Variants in GPR162 observed in about 807,000 individuals in gnomAD.
GPR162 encodes the protein G protein-coupled receptor 162, also known as probable G protein-coupled receptor 162.
A neutral mutation model predicts 44.9 loss-of-function variants in GPR162; 26 were observed. The observed-to-expected ratio is 0.58, with a 90% CI of 0.42 to 0.80. The LOEUF is 0.80. Among genes scored for constraint, GPR162 ranks in the 30% least tolerant of loss-of-function variants. The pLI, the probability that GPR162 is intolerant of heterozygous loss-of-function variation, is 0.00. For missense variants in GPR162, 704 were observed against 802.3 expected, an observed-to-expected ratio of 0.88 and a Z score of 1.48; for synonymous variants, 363 against 335.2, an observed-to-expected ratio of 1.08 and a Z score of -0.91.
At position 6,823,475 on chromosome 12, in the gene GPR162, A is replaced by T. The variant is rs1943309277; in HGVS notation, c.-424A>T. 4.5e-6 allele frequency: 2 copies of T among 445,538 alleles called. No individual in the cohort carries two copies. The highest frequency in any genetic ancestry group is 7.0e-5 in the East Asian group (2 of 28,610). The allele number at this position is 445,538 out of a possible 1,614,324, so 27.6% of individuals were successfully genotyped here. Reference sequence around the variant, plus strand: ...CTCATCTTTCCCTTGCAGCCTGTCCAGGGGGCTGAGCCCCACCCCCAAATC... The same window carrying T: ...CTCATCTTTCCCTTGCAGCCTGTCCTGGGGGCTGAGCCCCACCCCCAAATC... On this transcript the variant is annotated 5_prime_UTR_variant, in exon 2 of 5. Coordinates refer to ENST00000311268, the MANE Select transcript of GPR162 (RefSeq NM_019858.2).
At position 6,824,780 on chromosome 12, in the gene GPR162, C is replaced by A; in HGVS notation, c.867+15C>A. 6.2e-7 allele frequency: 1 copy of A among 1,605,076 alleles called. No homozygotes were observed. The highest frequency in any genetic ancestry group is 8.5e-7 in the Non-Finnish European group (1 of 1,175,786). On this transcript the variant is annotated intron_variant, in intron 2 of 4. Transcript: ENST00000311268. ...TGCCCATCTTGGTGAGATCGGGGTCCTCCCCACCTGTTCTCCCCAATATCC... is the reference window on the plus strand; with the variant it reads ...TGCCCATCTTGGTGAGATCGGGGTCATCCCCACCTGTTCTCCCCAATATCC...
In GPR162 at chr12:6,826,631, T is replaced by A. The variant is rs782315085; in HGVS notation, c.1216-22T>A. The A allele has an allele frequency of 2.6e-6, 4 of 1,515,590 alleles. No individual in the cohort carries two copies. The South Asian group carries it at 4.0e-5, about 15-fold the overall frequency. The allele number at this position is 1,515,590 out of a possible 1,614,324, so 93.9% of individuals were successfully genotyped here. ...CCTCTGTCCCTGCAGCACCTTCAGG[T>A]CTTACCCGCTCCTCTTCCCAGGTCC... On this transcript the variant is annotated intron_variant, in intron 4 of 4. Transcript: ENST00000311268.
Position 6,823,621 on chromosome 12 carries a change from C to A in GPR162, c.-278C>A. 2 of 701,090 alleles carry A rather than the reference C, an allele frequency of 2.9e-6. No individual in the cohort carries two copies. Among genetic ancestry groups the A allele is most frequent in the Non-Finnish European group, 4.7e-6 (2 of 428,200 alleles). The allele number at this position is 701,090 out of a possible 1,614,324, so 43.4% of individuals were successfully genotyped here. ...CATAGTTGGGAAAGTAGCCAGCTTG[C>A]CTGCCCCATCAATTGCAGGGATGCT... On this transcript the variant is annotated 5_prime_UTR_variant, in exon 2 of 5. Transcript: ENST00000311268.
Position 6,824,743 on chromosome 12 carries a change from C to T in GPR162, c.845C>T (p.Ser282Leu). The T allele has an allele frequency of 1.9e-6, 3 of 1,613,396 alleles. No individual in the cohort carries two copies. Among genetic ancestry groups the T allele is most frequent in the Non-Finnish European group, 2.5e-6 (3 of 1,179,932 alleles). ...AGCGCCATCGTCTTTCTCTATGACT[C>T]ACTCACAGGGGTGCCCATCTTGGTG... is the stretch of plus-strand genomic sequence containing the variant. ...LVSAIVFLYD[S>L]LTGVPILVVS... Residue 282 changes from serine (S) to leucine (L), a missense_variant, in exon 2 of 5, where the codon TCA becomes TTA. Physicochemically the swap from Ser to Leu is moderately radical, Grantham distance 145 (BLOSUM62 -2). This residue lies in a region of GPR162 where 92 missense variants were observed against 156.5 expected (regional missense o/e 0.59). Coordinates refer to ENST00000311268, the MANE Select transcript of GPR162 (RefSeq NM_019858.2).
In GPR162 at chr12:6,822,283, G is replaced by A. The variant is rs1943292476; in HGVS notation, c.-432+383G>A. On this transcript the variant is annotated intron_variant, in intron 1 of 4. Transcript: ENST00000311268. This position sits in a 1 kb window ranked among gnomAD's most constrained non-coding sequence, Gnocchi z 4.2. ...GTCCAGGGCTGTAGGAGAGGACACT[G>A]GGGGCTGCTCTTGGCCAAGTCCCTC... Among the ~76,000 whole-genome samples, 1 of 152,176 alleles carries A rather than the reference G, an allele frequency of 6.6e-6. No individual in the cohort carries two copies. The highest frequency in any genetic ancestry group is 2.4e-5 in the African/African-American group (1 of 41,428).
In GPR162 at chr12:6,826,912, G is replaced by C. The variant is rs1303873680; in HGVS notation, c.1475G>C (p.Gly492Ala). The change falls in exon 5 of 5, where the codon GGG (glycine) becomes GCG (alanine). Residue 492 changes from glycine (G) to alanine (A), a missense_variant. Coordinates refer to ENST00000311268, the MANE Select transcript of GPR162 (RefSeq NM_019858.2). ...GAGAGTGGGGTTCTGGGGTCAGGTGGGGGACCCCCACGGGGTCCTGGCTTC... is the reference window on the plus strand; with the variant it reads ...GAGAGTGGGGTTCTGGGGTCAGGTGCGGGACCCCCACGGGGTCCTGGCTTC... ...FLESGVLGSG[G>A]GPPRGPGFFR... is the part of the protein sequence containing the mutation. The C allele has an allele frequency of 6.2e-7, 1 of 1,613,344 alleles. No individual in the cohort carries two copies. The highest frequency in any genetic ancestry group is 1.1e-5 in the South Asian group (1 of 91,084).
In GPR162 at chr12:6,823,692, G is replaced by A; in HGVS notation, c.-207G>A. The A allele has an allele frequency of 6.2e-6, 9 of 1,454,076 alleles. No individual in the cohort carries two copies. Among genetic ancestry groups the A allele is most frequent in the Non-Finnish European group, 8.6e-6 (9 of 1,047,958 alleles). 90.1% of individuals were successfully genotyped at this position (1,454,076 alleles called of 1,614,324 possible). On this transcript the variant is annotated 5_prime_UTR_variant, in exon 2 of 5. It removes the in-frame stop codon of an upstream open reading frame in the 5' UTR. Coordinates refer to ENST00000311268, the MANE Select transcript of GPR162 (RefSeq NM_019858.2). ...ATGAAAGCTGAGGATTGCCTCTGCT[G>A]ACCCTCAGTCTCCTCCCCTGCCCTC...
intron 2 of GPR162, chr12:6,825,156 C>T: frequency 1.9e-6 from 1 of 532,928 alleles, no homozygotes; most frequent in Non-Finnish European, 3.4e-6. Context: ...GGTCTCTGAG[C>T]ACTCTTGGCT....
In GPR162 at chr12:6,826,263, A is replaced by G; in HGVS notation, c.1125A>G (p.Thr375=). 6.2e-7 allele frequency: 1 copy of G among 1,613,960 alleles called. No individual in the cohort carries two copies. ...TTCGCTTTGATGCTAACGGAGCCAC[A>G]GGACCAGGGAGCCGGGACCCCGCCC... ...CKVRFDANGA[T]GPGSRDPAQV... The change falls in exon 4 of 5, where the codon ACA becomes ACG. Residue 375 remains threonine, a synonymous_variant. Transcript: ENST00000311268.
rs369426980 is a variant in GPR162, at chr12:6,827,043, C to T, written c.1606C>T (p.Arg536Cys). 5.8e-5 allele frequency: 93 copies of T among 1,613,290 alleles called. No individual in the cohort carries two copies. The highest frequency in any genetic ancestry group is 7.3e-5 in the Non-Finnish European group (86 of 1,180,036). Residue 536 changes from arginine (R) to cysteine (C), a missense_variant, in exon 5 of 5, where the codon CGC becomes TGC. Arg to Cys is a radical substitution (Grantham distance 180). Around this residue, in one of 6 missense-constraint regions of GPR162, gnomAD observed 404 missense variants for 314.1 expected, o/e 1.29. Transcript: ENST00000311268. The stretch of plus-strand genomic sequence containing the variant: ...GCCCCGGCCACTGGGCCTCTCACCC[C>T]GCCGACTCTCCCTTGGGTCCCCTGA... ...RRPRPLGLSP[R>C]RLSLGSPESR...
Position 6,824,298 on chromosome 12 carries a change from G to A in GPR162, c.400G>A (p.Ala134Thr). Reference protein sequence around the residue: ...NYRLSNAKKQALHAVMGIWMV... With the variant: ...NYRLSNAKKQTLHAVMGIWMV... ...CCGCCTCAGCAACGCCAAGAAGCAG[G>A]CACTGCATGCCGTCATGGGCATCTG... The change falls in exon 2 of 5, where the codon GCA (alanine) becomes ACA (threonine). Residue 134 changes from alanine to threonine, a missense_variant. Ala to Thr is a moderately conservative substitution (Grantham distance 58). Coordinates refer to ENST00000311268, the MANE Select transcript of GPR162 (RefSeq NM_019858.2). The A allele has an allele frequency of 6.2e-7, 1 of 1,614,064 alleles. No individual in the cohort carries two copies. Among genetic ancestry groups the A allele is most frequent in the Non-Finnish European group, 8.5e-7 (1 of 1,179,996 alleles).
chr12:6,827,018 G>A lies in GPR162; in HGVS notation c.1581G>A (p.Arg527=), dbSNP rs1555120363. The change falls in exon 5 of 5, where the codon CGG becomes CGA. Residue 527 remains arginine (R), a synonymous_variant. Transcript: ENST00000311268. ...CCTCACCAGGGCACTCTCCTCGTCG[G>A]CCCCGGCCACTGGGCCTCTCACCCC... ...PTASPGHSPR[R]PRPLGLSPRR... 6 of 1,613,290 alleles carry A rather than the reference G, an allele frequency of 3.7e-6. No homozygotes were observed. In the South Asian group the frequency reaches 4.4e-5, roughly 12 times the overall value.
rs782687633 is a variant in GPR162 at position 6,826,200 on chromosome 12, G to A, written c.1062G>A (p.Gly354=). 1 of 1,613,422 alleles carries A rather than the reference G, an allele frequency of 6.2e-7. No homozygotes were observed. Among genetic ancestry groups the A allele is most frequent in the Non-Finnish European group, 8.5e-7 (1 of 1,179,638 alleles). The change falls in exon 4 of 5, where the codon GGG becomes GGA. Residue 354 remains glycine, a synonymous_variant. Coordinates refer to ENST00000311268, the MANE Select transcript of GPR162 (RefSeq NM_019858.2). ...IMSEEDGDDD[G]GCDDYAEGRV... The stretch of plus-strand genomic sequence containing the variant: ...TCTGCCCATTTTCTCTCCTAGATGG[G>A]GGCTGTGACGACTATGCAGAGGGCC...
At position 6,823,840 on chromosome 12, in the gene GPR162, T is replaced by A. The variant is rs960904235; in HGVS notation, c.-59T>A. On this transcript the variant is annotated 5_prime_UTR_variant, in exon 2 of 5. Transcript: ENST00000311268. The stretch of plus-strand genomic sequence containing the variant: ...TGGGAGTGTTTGTGAGTGGGGCTCC[T>A]GGGTGAGACCTAGCCCCCACCCCCA... 29 of 1,593,884 alleles carry A rather than the reference T, an allele frequency of 1.8e-5. No homozygotes were observed. The highest frequency in any genetic ancestry group is 2.3e-5 in the Non-Finnish European group (27 of 1,168,096).
chr12:6,827,229 G>A lies in GPR162; in HGVS notation c.*25G>A, dbSNP rs782252239. ...AGCCCAAGCAGGCCTGCTGAACTCA[G>A]AGGAGAAAGCCTGAGTGAGTAACAC... On this transcript the variant is annotated 3_prime_UTR_variant, in exon 5 of 5. Coordinates refer to ENST00000311268, the MANE Select transcript of GPR162 (RefSeq NM_019858.2). 3 of 1,555,606 alleles carry A rather than the reference G, an allele frequency of 1.9e-6. No homozygotes were observed. In the Admixed American group the frequency reaches 5.8e-5, roughly 30 times the overall value.
Position 6,825,688 on chromosome 12 carries a change from T to G in GPR162, c.1057+15T>G. On this transcript the variant is annotated intron_variant, in intron 3 of 4. Transcript: ENST00000311268. ...TGGAGATGACGGTCAGAGGAGGGGC[T>G]GGGCTTTGGCTTTCCTGGACATCTG... 3 of 1,552,136 alleles carry G rather than the reference T, an allele frequency of 1.9e-6. No homozygotes were observed. The highest frequency in any genetic ancestry group is 2.6e-6 in the Non-Finnish European group (3 of 1,145,750).
intron 4 of GPR162, 42 bp downstream of exon 4, chr12:6,826,395 C>T: frequency 8.4e-6 from 13 of 1,554,096 alleles, no homozygotes; most frequent in Non-Finnish European, 1.1e-5. Context: ...TGGTGCCGCT[C>T]ATCACTTTTC....
rs1266805303 is a variant in GPR162, at chr12:6,824,201, G to T, written c.303G>T (p.Ala101=). The T allele has an allele frequency of 3.1e-6, 5 of 1,613,862 alleles. No homozygotes were observed. The highest frequency in any genetic ancestry group is 3.4e-6 in the Non-Finnish European group (4 of 1,180,026). ...TCGTGTCCACCTACTACACCCTGGC[G>T]CTGGCCACCTGCTTCACGGTCGCCT... ...KVFVSTYYTL[A]LATCFTVASL... is the part of the protein sequence containing the mutation. Residue 101 remains alanine, a synonymous_variant, in exon 2 of 5, where the codon GCG becomes GCT. Coordinates refer to ENST00000311268, the MANE Select transcript of GPR162 (RefSeq NM_019858.2).
chr12:6,822,333 C>G lies in GPR162; in HGVS notation c.-432+433C>G, dbSNP rs1943293329. ...CCACCTCCCTCTGGCTGGCCATTGCCATGGCAACTAGGGTGTACTGGGCTC... is the reference window on the plus strand; with the variant it reads ...CCACCTCCCTCTGGCTGGCCATTGCGATGGCAACTAGGGTGTACTGGGCTC... On this transcript the variant is annotated intron_variant, in intron 1 of 4. Transcript: ENST00000311268. The surrounding 1 kb of genome is among the most constrained non-coding windows in gnomAD (Gnocchi z 4.2). 6.6e-6 allele frequency among the ~76,000 whole-genome samples: 1 copy of G among 152,166 alleles called. No homozygotes were observed. Among genetic ancestry groups the G allele is most frequent in the Non-Finnish European group, 1.5e-5 (1 of 68,018 alleles).
Sources: gnomAD v4.1 joint callset for allele counts (sites outside exome capture counted in the v4.1 genomes callset) on GRCh38, gnomAD v4.1.1 for gene constraint, gnomAD v4.1.1 regional missense constraint, Gnocchi (gnomAD v3.1) non-coding constraint, MANE v1.5 for transcripts, NCBI Gene and HGNC (gene_info 2026-07-23, HGNC 2026-07-21) for gene names.